Variants in CHLSN observed in about 807,000 individuals in gnomAD.
The protein encoded by CHLSN is cholesin.
the CHLSN span, chr7:984,869 C>T: frequency 8.7e-6 from 13 of 1,498,612 alleles, no homozygotes; most frequent in East Asian, 1.6e-4. Flanking sequence ...CCCTGTCAGC[C>T]TGCTCACTTC....
chr7:1,030,876 G>T, the CHLSN span, among the ~76,000 whole-genome samples: 1 of 152,198 alleles, frequency 6.6e-6, no homozygotes, highest in East Asian at 1.9e-4. Flanking sequence ...CCCCAACACA[G>T]AGCAGCAGGT....
At chr7:1,079,644 CA>C in the CHLSN span, among the ~76,000 whole-genome samples, 2 of 152,184 alleles carry the variant, frequency 1.3e-5, no homozygotes, top group Non-Finnish European at 2.9e-5. Context: ...CGGGAAGTGG[CA>C]GGGGCAGCAG....
chr7:1,016,066 C>CCAGCGCACAGCAGCACACAG, the CHLSN span, among the ~76,000 whole-genome samples: 16 of 145,254 alleles, frequency 1.1e-4, 1 homozygote, highest in African/African-American at 2.6e-4. Flanking sequence ...GCAGCACACG[C>CCAGCGCACAGCAGCACACAG]CAGCGCACAG....
chr7:995,803 G>A, the CHLSN span, among the ~76,000 whole-genome samples: 2 of 152,268 alleles, frequency 1.3e-5, no homozygotes, highest in African/African-American at 2.4e-5. Flanking sequence ...GGCAAGGCCC[G>A]CCCTGGGCCA....
At chr7:991,517 C>T in the CHLSN span, among the ~76,000 whole-genome samples, 2 of 152,202 alleles carry the variant, frequency 1.3e-5, no homozygotes, top group Non-Finnish European at 1.5e-5. Flanking sequence ...ACCCGAACCC[C>T]GGAGGTGCCA....
the CHLSN span, among the ~76,000 whole-genome samples, chr7:1,084,378 C>T: frequency 2.0e-5 from 3 of 152,362 alleles, no homozygotes; most frequent in East Asian, 1.9e-4. Flanking sequence ...ATGTGAGACA[C>T]GGCGCACTTC....
the CHLSN span, among the ~76,000 whole-genome samples, chr7:994,418 C>A: frequency 3.3e-5 from 5 of 152,076 alleles, no homozygotes; most frequent in African/African-American, 7.2e-5. Context: ...CTTGGCCCCC[C>A]CCAAAGTGTT....
At chr7:1,000,718 G>A in the CHLSN span, among the ~76,000 whole-genome samples, 88 of 152,282 alleles carry the variant, frequency 5.8e-4, no homozygotes, top group Non-Finnish European at 1.1e-3. Flanking sequence ...CCCTGCCCGA[G>A]GCGAGGAGCC....
chr7:1,114,792 C>T, the CHLSN span, among the ~76,000 whole-genome samples: 7 of 152,360 alleles, frequency 4.6e-5, no homozygotes, highest in South Asian at 2.1e-4. Context: ...CCATTCTGCC[C>T]GGGCGATGGG....
the CHLSN span, chr7:1,093,669 C>A: frequency 6.2e-5 from 29 of 469,982 alleles, no homozygotes; most frequent in African/African-American, 4.4e-4. Context: ...ACTCCAGCAC[C>A]TGTGGCTGAC....
chr7:990,486 G>A, the CHLSN span, among the ~76,000 whole-genome samples: 36 of 152,082 alleles, frequency 2.4e-4, no homozygotes, highest in African/African-American at 8.2e-4. Flanking sequence ...GAGAAGAGAG[G>A]ATAAGCCGTG....
the CHLSN span, among the ~76,000 whole-genome samples, chr7:1,002,998 TGGG>T: frequency 2.5e-5 from 1 of 39,438 alleles, no homozygotes; most frequent in African/African-American, 1.2e-4. Flanking sequence ...GTCCTGTGGG[TGGG>T]GAGTCCTGTG....
the CHLSN span, chr7:1,092,409 C>T: frequency 2.4e-4 from 382 of 1,607,468 alleles, no homozygotes; most frequent in Non-Finnish European, 2.6e-4. Context: ...TCGTGCCCTT[C>T]GCCATCATCG....
chr7:1,085,994 C>G, the CHLSN span, among the ~76,000 whole-genome samples: 1 of 152,250 alleles, frequency 6.6e-6, no homozygotes, highest in Non-Finnish European at 1.5e-5. Flanking sequence ...CTGTACAGTA[C>G]AAGTTACTTA....
At chr7:1,063,937 T>G in the CHLSN span, among the ~76,000 whole-genome samples, 1 of 152,122 alleles carries the variant, frequency 6.6e-6, no homozygotes, top group Admixed American at 6.5e-5. Context: ...AGTCCCCACC[T>G]GGAAGATGGA....
the CHLSN span, among the ~76,000 whole-genome samples, chr7:980,400 T>G: frequency 6.6e-6 from 1 of 152,252 alleles, no homozygotes; most frequent in African/African-American, 2.4e-5. Flanking sequence ...CAGGCTGCAG[T>G]TGGCACACGT....
At chr7:1,042,202 G>A in the CHLSN span, among the ~76,000 whole-genome samples, 1 of 151,796 alleles carries the variant, frequency 6.6e-6, no homozygotes, top group Non-Finnish European at 1.5e-5. Context: ...GGCCAGGAGC[G>A]CACAACTGCC....
chr7:990,700 T>A, the CHLSN span, among the ~76,000 whole-genome samples: 53 of 152,178 alleles, frequency 3.5e-4, no homozygotes, highest in Non-Finnish European at 4.4e-4. Flanking sequence ...CTCACCTATT[T>A]CTGGGGAAGA....
At chr7:1,127,179 G>A in the CHLSN span, 22 of 1,491,802 alleles carry the variant, frequency 1.5e-5, no homozygotes, top group East Asian at 9.4e-5. Flanking sequence ...CCAGCAGGCT[G>A]AGCCACCCCC....
Sources: gnomAD v4.1 joint callset for allele counts (sites outside exome capture counted in the v4.1 genomes callset) on GRCh38, gnomAD v4.1.1 for gene constraint, MANE v1.5 for transcripts, NCBI Gene and HGNC (gene_info 2026-07-23, HGNC 2026-07-21) for gene names.